The following MSI2 variants were observed in gnomAD, a reference collection of about 807,000 sequenced individuals.
The protein encoded by MSI2 is musashi RNA binding protein 2, also known as RNA-binding protein Musashi homolog 2.
A neutral mutation model predicts 45.6 loss-of-function variants in MSI2; 17 were observed. The ratio of observed to expected loss-of-function variants is 0.37; its 90% CI spans 0.26 to 0.56. The LOEUF (loss-of-function observed/expected upper bound fraction) is 0.56. MSI2 is among the 20% of genes least tolerant of loss of function. The pLI, the probability that MSI2 is intolerant of heterozygous loss-of-function variation, is 0.77. For missense variants in MSI2, 293 were observed against 444.2 expected (o/e 0.66, Z 3.06); for synonymous variants, 156 against 158.2 (o/e 0.99, Z 0.11).
At chr17:57,676,274 ACGCACACACGCACACACAGG>A (rs1164059501) in intron 12 of MSI2, among the ~76,000 whole-genome samples, 2 of 152,118 alleles carry the variant, frequency 1.3e-5, no homozygotes. Flanking sequence ...ACGCACACGC[ACGCACACACGCACACACAGG>A]CGCACACACG....
intron 5 of MSI2, among the ~76,000 whole-genome samples, chr17:57,315,878 G>A (rs552576067): frequency 3.1e-3 from 467 of 152,248 alleles, no homozygotes; most frequent in South Asian, 7.1e-3. Flanking sequence ...GAGCTAATTT[G>A]CCTCTGTCTA....
intron 8 of MSI2, chr17:57,606,110 G>T (rs1906546845): frequency 6.6e-6 from 1 of 152,386 alleles, no homozygotes; most frequent in South Asian, 2.1e-4. Flanking sequence ...TGCAGGGAGG[G>T]TTAGGGAGAA....
At chr17:57,578,630 A>T in intron 7 of MSI2, among the ~76,000 whole-genome samples, 1 of 152,166 alleles carries the variant, frequency 6.6e-6, no homozygotes, top group East Asian at 1.9e-4. Flanking sequence ...CTTCTAGCAA[A>T]ACAGGAGTAA....
At chr17:57,587,255 T>C (rs1904380008) in intron 7 of MSI2, among the ~76,000 whole-genome samples, 1 of 152,024 alleles carries the variant, frequency 6.6e-6, no homozygotes, top group Non-Finnish European at 1.5e-5. Flanking sequence ...GGAAAAACTC[T>C]TTGTAACTAA....
intron 6 of MSI2, among the ~76,000 whole-genome samples, chr17:57,503,109 T>A (rs1047844114): frequency 2.0e-5 from 3 of 152,172 alleles, no homozygotes; most frequent in Non-Finnish European, 1.5e-5. Flanking sequence ...TTGTCCCCAG[T>A]TGGCTTTTCC....
rs567877793 is a variant in MSI2 at position 57,450,552 on chromosome 17, C to T, written c.405+49081C>T. ...AGGCGTGGTGGTGCATGCCTGTTAT[C>T]CCAATTACTCGGGAGGCTGAGGCAG... On this transcript the variant is annotated intron_variant, in intron 6 of 13. Transcript: ENST00000284073. Among the ~76,000 whole-genome samples, 4 of 151,422 alleles carry T rather than the reference C, an allele frequency of 2.6e-5. No homozygotes were observed. In the East Asian group the frequency reaches 7.8e-4, roughly 29 times the overall value.
intron 7 of MSI2, among the ~76,000 whole-genome samples, chr17:57,538,594 C>G (rs1342366001): frequency 6.6e-6 from 1 of 152,150 alleles, no homozygotes; most frequent in Non-Finnish European, 1.5e-5. Context: ...GAGTGCGGGG[C>G]AGCCTGGTTT....
chr17:57,477,946 GGAGA>G (rs2085573176), intron 6 of MSI2, among the ~76,000 whole-genome samples: 1 of 152,196 alleles, frequency 6.6e-6, no homozygotes, highest in South Asian at 2.1e-4. Flanking sequence ...CTCCAGGAGT[GGAGA>G]GAGAGCCACA....
At chr17:57,260,544 G>A (rs554154094) in intron 4 of MSI2, among the ~76,000 whole-genome samples, 1 of 152,204 alleles carries the variant, frequency 6.6e-6, no homozygotes, top group African/African-American at 2.4e-5. Flanking sequence ...AGACACCTCT[G>A]TCTTACGTAC....
At chr17:57,501,191 G>A (rs1308359539) in intron 6 of MSI2, among the ~76,000 whole-genome samples, 1 of 152,178 alleles carries the variant, frequency 6.6e-6, no homozygotes, top group Non-Finnish European at 1.5e-5. Context: ...AGTCTCTGTG[G>A]CCCTGGGGCC....
At chr17:57,493,981 T>C (rs1263350824) in intron 6 of MSI2, among the ~76,000 whole-genome samples, 2 of 152,180 alleles carry the variant, frequency 1.3e-5, no homozygotes, top group East Asian at 3.8e-4. Flanking sequence ...GCAAGACAAG[T>C]CTACCTGCTA....
chr17:57,353,268 C>T (rs1416884432), intron 5 of MSI2, among the ~76,000 whole-genome samples: 2 of 152,182 alleles, frequency 1.3e-5, no homozygotes, highest in Non-Finnish European at 2.9e-5. Flanking sequence ...TGGGTTTTCA[C>T]TTGTACCCAC....
chr17:57,543,430 G>A (rs1445068204), intron 7 of MSI2, among the ~76,000 whole-genome samples: 2 of 152,182 alleles, frequency 1.3e-5, no homozygotes, highest in African/African-American at 4.8e-5. Flanking sequence ...AAGGCTGGGG[G>A]GACGGCACGC....
intron 7 of MSI2, among the ~76,000 whole-genome samples, chr17:57,595,145 T>C (rs1366359826): frequency 6.6e-6 from 1 of 152,144 alleles, no homozygotes; most frequent in Admixed American, 6.5e-5. Context: ...ATGTTAGAGT[T>C]GGATGCATGA....
At chr17:57,323,804 T>A (rs16958218) in intron 5 of MSI2, among the ~76,000 whole-genome samples, 7,382 of 152,310 alleles carry the variant, frequency 0.048, 590 homozygotes, top group African/African-American at 0.17. Context: ...AGACACCCAC[T>A]GATTTGAACG....
chr17:57,320,922 G>A (rs1294110831), intron 5 of MSI2, among the ~76,000 whole-genome samples: 1 of 152,046 alleles, frequency 6.6e-6, no homozygotes, highest in Non-Finnish European at 1.5e-5. Flanking sequence ...TCCTCCTGCA[G>A]CCTGCTCCCT....
intron 6 of MSI2, among the ~76,000 whole-genome samples, chr17:57,451,799 G>T (rs563647877): frequency 1.3e-5 from 2 of 152,298 alleles, no homozygotes; most frequent in African/African-American, 4.8e-5. Context: ...TCACATCCTT[G>T]TGAAGCTGTA....
intron 7 of MSI2, among the ~76,000 whole-genome samples, chr17:57,554,455 C>T (rs1463112670): frequency 1.3e-5 from 2 of 152,152 alleles, no homozygotes; most frequent in Non-Finnish European, 2.9e-5. Context: ...CACCATCCCC[C>T]CTCTCCTCCT....
chr17:57,622,247 T>C (rs1214758462), intron 9 of MSI2, among the ~76,000 whole-genome samples: 2 of 151,864 alleles, frequency 1.3e-5, no homozygotes, highest in African/African-American at 4.8e-5. Flanking sequence ...CCCCTCAGAC[T>C]TTGCGGCACC....
Sources: allele counts gnomAD v4.1 joint callset (sites outside exome capture counted in the v4.1 genomes callset), GRCh38; gene constraint gnomAD v4.1.1; transcripts MANE v1.5; gene names NCBI Gene and HGNC (gene_info 2026-07-23, HGNC 2026-07-21).